CCNH: variants seen among roughly 807,000 people sequenced by gnomAD.
CCNH encodes cyclin-H.
CCNH carries 31 observed loss-of-function variants against 41.9 expected under a neutral mutation model. The observed-to-expected ratio is 0.74, with a 90% confidence interval of 0.56 to 1.00. CCNH has a LOEUF of 1.00. Ranked by LOEUF, CCNH falls within the 50% of genes least tolerant of loss-of-function variation. The probability of loss-of-function intolerance (pLI) is 0.00; values close to 1 mark genes in which losing one functional copy is unlikely to be tolerated. For missense variants in CCNH, 362 were observed against 388.4 expected, an observed-to-expected ratio of 0.93 and a Z score of 0.57; for synonymous variants, 138 against 136.1, an observed-to-expected ratio of 1.01 and a Z score of -0.10.
intron 5 of CCNH, among the ~76,000 whole-genome samples, chr5:87,403,470 T>C (rs1257788564): frequency 1.3e-5 from 2 of 152,166 alleles, no homozygotes; most frequent in East Asian, 3.8e-4. Flanking sequence ...AGAGGACTTT[T>C]GTTCCCTTAC....
intron 9 of CCNH, among the ~76,000 whole-genome samples, chr5:87,360,027 C>G (rs1404908953): frequency 4.0e-5 from 6 of 151,598 alleles, no homozygotes; most frequent in African/African-American, 1.5e-4. Flanking sequence ...TACTTTGGTT[C>G]TTCTTGCATT....
chr5:87,364,113 G>C (rs933277836), intron 9 of CCNH, among the ~76,000 whole-genome samples: 1 of 151,954 alleles, frequency 6.6e-6, no homozygotes, highest in Non-Finnish European at 1.5e-5. Context: ...ATCCATCCCA[G>C]TCTTTTTAGA....
exon 1 of CCNH, chr5:87,376,435 C>T: frequency 1.9e-6 from 3 of 1,613,960 alleles, no homozygotes; most frequent in Non-Finnish European, 2.5e-6. Context: ...AAAGGGCATG[C>T]CACAGATGAA....
rs367991324 is a variant in CCNH at position 87,349,320 on chromosome 5, A to G, written c.*91-30423T>C. The G allele has an allele frequency of 2.0e-5, 33 of 1,612,092 alleles. No homozygotes were observed. In the African/African-American group the frequency reaches 4.1e-4, roughly 20 times the overall value. ...ATATTCAGCGATTTAAAATATGTCC[A>G]ACGCCAAACAATCAGTTTATGATGG... On this transcript the variant is annotated intron_variant and NMD_transcript_variant, in intron 9 of 9. Transcript: ENST00000645953.
rs7736510 is a variant in CCNH, at chr5:87,360,209, C to T, written c.*90+32561G>A. Among the ~76,000 whole-genome samples, 1,117 of 151,166 alleles carry T rather than the reference C, an allele frequency of 7.4e-3. 17 individuals carry two copies. Among genetic ancestry groups the T allele is most frequent in the African/African-American group, 0.026 (1,080 of 40,902 alleles). ...TGGCATGATCTCAGCTCACTGCAAC[C>T]TCCGCCTCCTGGGTTCAAGCGATTC... On this transcript the variant is annotated intron_variant and NMD_transcript_variant, in intron 9 of 9. Coordinates refer to the CCNH transcript ENST00000645953.
rs1358370562 is a variant in CCNH, at chr5:87,349,200, C to G, written c.*91-30303G>C. 1 of 1,610,746 alleles carries G rather than the reference C, an allele frequency of 6.2e-7. No homozygotes were observed. The highest frequency in any genetic ancestry group is 8.5e-7 in the Non-Finnish European group (1 of 1,177,828). On this transcript the variant is annotated intron_variant and NMD_transcript_variant, in intron 9 of 9. Transcript: ENST00000645953. ...TTGATAATTAGGGAAAAACTAACAGCTTAATTCTTACAGTTGGTCAAGTCT... is the reference window on the plus strand; with the variant it reads ...TTGATAATTAGGGAAAAACTAACAGGTTAATTCTTACAGTTGGTCAAGTCT...
intron 9 of CCNH, among the ~76,000 whole-genome samples, chr5:87,326,216 C>G (rs1203856053): frequency 6.6e-6 from 1 of 152,198 alleles, no homozygotes; most frequent in African/African-American, 2.4e-5. Flanking sequence ...CAGCAGTCCC[C>G]TCCTCAGCCT....
intron 7 of CCNH, among the ~76,000 whole-genome samples, chr5:87,397,804 T>C (rs1323537150): frequency 6.6e-6 from 1 of 152,232 alleles, no homozygotes. Flanking sequence ...GTGGATAAAC[T>C]TTTTCTTTAA....
chr5:87,409,974 TA>T (rs1764103325), intron 2 of CCNH, among the ~76,000 whole-genome samples: 1 of 152,176 alleles, frequency 6.6e-6, no homozygotes, highest in Non-Finnish European at 1.5e-5. Context: ...GGTGAAGTAT[TA>T]CTATCTCTAC....
chr5:87,389,248 T>C (rs536719802), downstream of CCNH: 23 of 991,420 alleles, frequency 2.3e-5, no homozygotes, highest in South Asian at 3.3e-4. Context: ...GGAGAATCGC[T>C]TGAACCCGGG....
chr5:87,356,373 G>A (rs985601673), intron 9 of CCNH, among the ~76,000 whole-genome samples: 23 of 151,538 alleles, frequency 1.5e-4, no homozygotes, highest in African/African-American at 3.9e-4. Flanking sequence ...TGACGTCCTA[G>A]ATGATTGTTA....
At chr5:87,380,147 A>G (rs551911028), upstream of CCNH, among the ~76,000 whole-genome samples, 44 of 152,276 alleles carry the variant, frequency 2.9e-4, no homozygotes, top group African/African-American at 1.1e-3. Context: ...CATTTAGTCT[A>G]TACTTGATAG....
chr5:87,372,141 A>G (rs200157130), downstream of CCNH: 86 of 1,613,658 alleles, frequency 5.3e-5, no homozygotes, highest in Middle Eastern at 1.2e-3. Flanking sequence ...GTCTGCAGGC[A>G]TTTTGCAATT....
chr5:87,314,973 A>G (rs1194095443), downstream of CCNH, among the ~76,000 whole-genome samples: 1 of 152,246 alleles, frequency 6.6e-6, no homozygotes, highest in Non-Finnish European at 1.5e-5. Context: ...TAAATAAAAC[A>G]TTTTTGAATA....
downstream of CCNH, among the ~76,000 whole-genome samples, chr5:87,313,763 C>T (rs771836680): frequency 2.6e-4 from 39 of 152,110 alleles, no homozygotes; most frequent in Non-Finnish European, 4.0e-4. Context: ...AAGGGATCAA[C>T]GAGATGACAT....
At chr5:87,358,898 C>T (rs1561307840) in intron 9 of CCNH, among the ~76,000 whole-genome samples, 1 of 152,128 alleles carries the variant, frequency 6.6e-6, no homozygotes. Context: ...ATCCACTAGC[C>T]TCACTCTTAC....
chr5:87,387,811 C>T (rs1762169295), downstream of CCNH, among the ~76,000 whole-genome samples: 1 of 152,052 alleles, frequency 6.6e-6, no homozygotes, highest in South Asian at 2.1e-4. Context: ...GTGAAATGGA[C>T]AAAAATGCTA....
chr5:87,334,596 A>G (rs1283278256), intron 9 of CCNH, among the ~76,000 whole-genome samples: 1 of 152,212 alleles, frequency 6.6e-6, no homozygotes, highest in East Asian at 1.9e-4. Flanking sequence ...TAAATTTTAC[A>G]ATGATGGTAC....
At chr5:87,412,403 C>T (rs1202157562) in intron 1 of CCNH, 2 of 1,218,724 alleles carry the variant, frequency 1.6e-6, no homozygotes, top group East Asian at 3.8e-5. Flanking sequence ...GTGAACGGCT[C>T]TTGCCACGCA....
Sources: gnomAD v4.1 joint callset for allele counts (sites outside exome capture counted in the v4.1 genomes callset) on GRCh38, gnomAD v4.1.1 for gene constraint, MANE v1.5 for transcripts, NCBI Gene and HGNC (gene_info 2026-07-23, HGNC 2026-07-21) for gene names.